Variants in MPP7 observed in about 807,000 individuals in gnomAD.
MPP7 encodes MAGUK p55 subfamily member 7.
MPP7 carries 60 observed loss-of-function variants against 76.5 expected under a neutral mutation model. The observed-to-expected ratio is 0.78, with a 90% CI of 0.64 to 0.97. The LOEUF (loss-of-function observed/expected upper bound fraction) is 0.97. Among genes scored for constraint, MPP7 ranks in the 50% least tolerant of loss-of-function variants. The pLI, the probability that MPP7 is intolerant of heterozygous loss-of-function variation, is 0.00. For missense variants in MPP7, 641 were observed against 694.0 expected (o/e 0.92, Z 0.86); for synonymous variants, 237 against 244.5 (o/e 0.97, Z 0.29).
At chr10:28,310,629 C>A (rs983944501) in intron 2 of MPP7, among the ~76,000 whole-genome samples, 2 of 152,084 alleles carry the variant, frequency 1.3e-5, no homozygotes, top group Non-Finnish European at 2.9e-5. Flanking sequence ...ATTAAAATTA[C>A]CTGAAGAGCC....
At chr10:28,095,336 T>C (rs568347112) in intron 11 of MPP7, among the ~76,000 whole-genome samples, 6 of 151,868 alleles carry the variant, frequency 4.0e-5, no homozygotes, top group South Asian at 4.2e-4. Context: ...GAACAAAAGA[T>C]ACAGCAAGAG....
intron 1 of MPP7, among the ~76,000 whole-genome samples, chr10:28,259,593 A>G (rs1036317704): frequency 4.0e-5 from 6 of 149,200 alleles, no homozygotes; most frequent in Non-Finnish European, 8.9e-5. Flanking sequence ...TCAAAAAGAA[A>G]AAGAAAAAGA....
intron 11 of MPP7, among the ~76,000 whole-genome samples, chr10:28,092,695 CCT>C (rs887674768): frequency 6.7e-6 from 1 of 150,274 alleles, no homozygotes; most frequent in Non-Finnish European, 1.5e-5. Context: ...ACCTCAGCCC[CCT>C]GAGTAGCTGG....
chr10:28,079,600 G>C (rs563993821), intron 12 of MPP7, among the ~76,000 whole-genome samples: 11 of 152,284 alleles, frequency 7.2e-5, no homozygotes, highest in African/African-American at 2.6e-4. Context: ...TGCACTGAAA[G>C]AATGATTTGA....
chr10:28,310,242 G>A (rs1263159518), intron 2 of MPP7, among the ~76,000 whole-genome samples: 1 of 151,988 alleles, frequency 6.6e-6, no homozygotes, highest in African/African-American at 2.4e-5. Context: ...CCTCAGGTGA[G>A]CAGCCCACAT....
intron 11 of MPP7, among the ~76,000 whole-genome samples, chr10:28,114,918 T>TAAA (rs1344493685): frequency 5.9e-5 from 9 of 152,200 alleles, no homozygotes; most frequent in African/African-American, 2.4e-5. Flanking sequence ...GTGTGAGCAG[T>TAAA]AACAGTTAGA....
chr10:28,303,231 A>G (rs556946375), upstream of MPP7: 104 of 152,298 alleles, frequency 6.8e-4, no homozygotes, highest in African/African-American at 2.2e-3. Context: ...AGAGAAAACA[A>G]AGCTGGGCTC....
chr10:28,310,998 A>T (rs766633625), intron 2 of MPP7, among the ~76,000 whole-genome samples: 26 of 135,246 alleles, frequency 1.9e-4, no homozygotes, highest in Non-Finnish European at 8.0e-5. Flanking sequence ...CTGTCCCCAC[A>T]ATGTCAGGGG....
At chr10:28,117,325 A>T (rs915908149) in intron 11 of MPP7, among the ~76,000 whole-genome samples, 5 of 152,138 alleles carry the variant, frequency 3.3e-5, no homozygotes, top group African/African-American at 1.2e-4. Flanking sequence ...TTATCACTGT[A>T]TTTTTAAAAT....
chr10:28,202,673 T>C (rs923872363), intron 2 of MPP7, among the ~76,000 whole-genome samples: 6 of 152,160 alleles, frequency 3.9e-5, no homozygotes, highest in African/African-American at 1.4e-4. Context: ...AACAGAGAAT[T>C]GATAGGGTGG....
intron 1 of MPP7, among the ~76,000 whole-genome samples, chr10:28,332,246 C>CGTGT (rs4018712): frequency 0.065 from 9,523 of 146,830 alleles, 329 homozygotes; most frequent in Middle Eastern, 0.077. Flanking sequence ...CAAATGTATG[C>CGTGT]GTGTGTGTGT....
intron 3 of MPP7, among the ~76,000 whole-genome samples, chr10:28,177,148 TG>T (rs1379076253): frequency 2.7e-5 from 4 of 150,838 alleles, no homozygotes; most frequent in African/African-American, 9.8e-5. Context: ...CCGGGCGCAG[TG>T]GCTCACGCCT....
chr10:28,172,689 C>T (rs149676697), intron 3 of MPP7, among the ~76,000 whole-genome samples: 7 of 152,136 alleles, frequency 4.6e-5, no homozygotes, highest in Non-Finnish European at 8.8e-5. Flanking sequence ...GAAATTACAC[C>T]GAGCTATAGA....
intron 1 of MPP7, among the ~76,000 whole-genome samples, chr10:28,274,516 T>C (rs1206627909): frequency 6.6e-6 from 1 of 152,118 alleles, no homozygotes. Context: ...AAATAAATAA[T>C]ATAGTTTCAC....
intron 12 of MPP7, among the ~76,000 whole-genome samples, chr10:28,072,794 A>T (rs1852299102): frequency 6.6e-6 from 1 of 152,196 alleles, no homozygotes; most frequent in Non-Finnish European, 1.5e-5. Context: ...GTATGGTATC[A>T]TTCTCTGATC....
intron 1 of MPP7, among the ~76,000 whole-genome samples, chr10:28,260,802 T>A (rs1054579325): frequency 4.0e-5 from 6 of 150,964 alleles, no homozygotes; most frequent in African/African-American, 1.5e-4. Flanking sequence ...AAATTTTTTT[T>A]AAATAGCATG....
At chr10:28,109,986 G>A (rs1324550282) in intron 11 of MPP7, among the ~76,000 whole-genome samples, 1 of 150,726 alleles carries the variant, frequency 6.6e-6, no homozygotes, top group Non-Finnish European at 1.5e-5. Flanking sequence ...TAAACATCAT[G>A]CAGGGTTTTT....
At chr10:28,320,260 T>A (rs1209954206) in intron 2 of MPP7, among the ~76,000 whole-genome samples, 1 of 152,148 alleles carries the variant, frequency 6.6e-6, no homozygotes, top group Admixed American at 6.5e-5. Flanking sequence ...GAGGCAGCAA[T>A]GAGCTGTATA....
intron 2 of MPP7, among the ~76,000 whole-genome samples, chr10:28,309,393 A>C (rs1841276389): frequency 6.7e-6 from 1 of 149,154 alleles, no homozygotes; most frequent in Non-Finnish European, 1.5e-5. Context: ...CAGCCTGGGC[A>C]ACAGAGTGAG....
Sources: gnomAD v4.1 joint callset for allele counts (sites outside exome capture counted in the v4.1 genomes callset) on GRCh38, gnomAD v4.1.1 for gene constraint, MANE v1.5 for transcripts, NCBI Gene and HGNC (gene_info 2026-07-23, HGNC 2026-07-21) for gene names.